GPC6: variants seen among roughly 807,000 people sequenced by gnomAD.
The protein encoded by GPC6 is glypican 6, also known as glypican-6.
In GPC6, 14 loss-of-function variants were observed where a neutral mutation model predicts 55.2. That is an observed-to-expected ratio of 0.25 (90% CI 0.17 to 0.40). GPC6 has a LOEUF of 0.40. GPC6 is among the 10% of genes least tolerant of loss of function. The probability of loss-of-function intolerance (pLI) is 1.00; values close to 1 mark genes in which losing one functional copy is unlikely to be tolerated. For synonymous variants in GPC6, 278 were observed against 259.6 expected (o/e 1.07, Z -0.68); for missense variants, 641 against 708.5 (o/e 0.90, Z 1.08).
At chr13:93,750,773 G>T (rs2138861873) in intron 2 of GPC6, among the ~76,000 whole-genome samples, 1 of 152,312 alleles carries the variant, frequency 6.6e-6, no homozygotes, top group South Asian at 2.1e-4. Flanking sequence ...TAGTTGGTTG[G>T]ATGGGCGTGA....
intron 4 of GPC6, among the ~76,000 whole-genome samples, chr13:94,253,579 T>C (rs1400645153): frequency 2.0e-5 from 3 of 152,116 alleles, no homozygotes; most frequent in East Asian, 1.9e-4. Flanking sequence ...CTTTGTGAGC[T>C]TCCCTGTTCC....
At chr13:93,864,599 C>A (rs9584162) in intron 3 of GPC6, among the ~76,000 whole-genome samples, 2 of 151,720 alleles carry the variant, frequency 1.3e-5, no homozygotes, top group East Asian at 3.9e-4. Flanking sequence ...GTAATAAAAG[C>A]TAATATTTAT....
At chr13:93,954,976 G>C (rs1409852181) in intron 3 of GPC6, among the ~76,000 whole-genome samples, 1 of 151,836 alleles carries the variant, frequency 6.6e-6, no homozygotes, top group Non-Finnish European at 1.5e-5. Flanking sequence ...CTCCATCTTG[G>C]TTGCCTCTTC....
intron 1 of GPC6, among the ~76,000 whole-genome samples, chr13:93,228,737 A>C (rs912073678): frequency 6.6e-6 from 1 of 152,072 alleles, no homozygotes; most frequent in Non-Finnish European, 1.5e-5. Flanking sequence ...GTCCTTAGTG[A>C]CCTCAGATCG....
intron 2 of GPC6, among the ~76,000 whole-genome samples, chr13:93,815,465 A>T (rs180877739): frequency 1.3e-5 from 2 of 152,292 alleles, no homozygotes; most frequent in East Asian, 3.9e-4. Context: ...ACCTGCATAC[A>T]TTCAACCCTG....
At chr13:93,792,370 G>A (rs1306173264) in intron 2 of GPC6, among the ~76,000 whole-genome samples, 1 of 152,230 alleles carries the variant, frequency 6.6e-6, no homozygotes, top group African/African-American at 2.4e-5. Flanking sequence ...GAGTGCAGTG[G>A]CGTGATCTCA....
chr13:93,477,866 C>A (rs1174407488), intron 1 of GPC6, among the ~76,000 whole-genome samples: 1 of 152,050 alleles, frequency 6.6e-6, no homozygotes, highest in Non-Finnish European at 1.5e-5. Flanking sequence ...AGCAGGTGTT[C>A]ATTTTAATAT....
Position 93,951,559 on chromosome 13 carries a change from A to G in GPC6, c.712-76170A>G, listed in dbSNP as rs1294797500. Among the ~76,000 whole-genome samples, 4 of 152,176 alleles carry G rather than the reference A, an allele frequency of 2.6e-5. 1 individual carries two copies. Among genetic ancestry groups the G allele is most frequent in the East Asian group, 3.8e-4 (2 of 5,196 alleles). On this transcript the variant is annotated intron_variant, in intron 3 of 8. Coordinates refer to ENST00000377047, the MANE Select transcript of GPC6 (RefSeq NM_005708.5). ...TTCTGTTTCTATTTTGCTGATAACC[A>G]GTAATGGCTTTGGAGTCAGAGAAGG... is the stretch of plus-strand genomic sequence containing the variant.
intron 4 of GPC6, among the ~76,000 whole-genome samples, chr13:94,137,671 G>C (rs1052441137): frequency 5.3e-5 from 8 of 152,106 alleles, no homozygotes; most frequent in African/African-American, 1.9e-4. Context: ...CCCTGCCATT[G>C]AGCTTACAAT....
At chr13:93,497,633 T>C (rs1287899179) in intron 1 of GPC6, among the ~76,000 whole-genome samples, 10 of 152,186 alleles carry the variant, frequency 6.6e-5, no homozygotes, top group Admixed American at 3.9e-4. Flanking sequence ...GAACACAATG[T>C]TGATATAGTT....
intron 2 of GPC6, among the ~76,000 whole-genome samples, chr13:93,624,693 A>G (rs1245814144): frequency 6.6e-6 from 1 of 152,238 alleles, no homozygotes; most frequent in Non-Finnish European, 1.5e-5. Context: ...CCTGATAACC[A>G]GATGTGTAGA....
intron 3 of GPC6, among the ~76,000 whole-genome samples, chr13:93,979,889 A>C (rs1566632380): frequency 6.6e-6 from 1 of 152,076 alleles, no homozygotes; most frequent in Non-Finnish European, 1.5e-5. Flanking sequence ...GAAAGATACG[A>C]CTCAAAAATA....
At chr13:93,655,003 ATTTTTTTTT>A (rs3884231) in intron 2 of GPC6, among the ~76,000 whole-genome samples, 2 of 104,736 alleles carry the variant, frequency 1.9e-5, no homozygotes, top group South Asian at 6.6e-4. Flanking sequence ...TGCCCGGCTA[ATTTTTTTTT>A]TTTTTTTTTT....
At chr13:93,466,726 G>A (rs770266888) in intron 1 of GPC6, among the ~76,000 whole-genome samples, 1 of 152,158 alleles carries the variant, frequency 6.6e-6, no homozygotes, top group African/African-American at 2.4e-5. Context: ...CATGTGTATG[G>A]AAGAGTCAAT....
intron 1 of GPC6, among the ~76,000 whole-genome samples, chr13:93,524,176 A>T (rs1881558357): frequency 1.3e-5 from 2 of 151,996 alleles, no homozygotes; most frequent in Admixed American, 1.3e-4. Context: ...GGCAAGGAGG[A>T]GCTGAAATAC....
intron 5 of GPC6, among the ~76,000 whole-genome samples, chr13:94,300,641 T>C (rs1875601268): frequency 6.6e-6 from 1 of 152,216 alleles, no homozygotes; most frequent in South Asian, 2.1e-4. Flanking sequence ...GGAGAATTGC[T>C]TTGTACATCT....
intron 2 of GPC6, among the ~76,000 whole-genome samples, chr13:93,720,659 G>T (rs560047964): frequency 3.3e-5 from 5 of 152,070 alleles, no homozygotes; most frequent in African/African-American, 1.2e-4. Flanking sequence ...TGTGATGTTA[G>T]GGTGTCAATT....
chr13:93,742,299 T>C (rs1884234111), intron 2 of GPC6, among the ~76,000 whole-genome samples: 3 of 152,224 alleles, frequency 2.0e-5, no homozygotes, highest in Admixed American at 2.0e-4. Context: ...CATTTGATGC[T>C]GGCCTTACTT....
chr13:94,272,711 GC>G (rs1166293259), intron 4 of GPC6, among the ~76,000 whole-genome samples: 1 of 151,744 alleles, frequency 6.6e-6, no homozygotes, highest in Non-Finnish European at 1.5e-5. Context: ...CTCATAATCC[GC>G]CCACCTTGGC....
Sources: gnomAD v4.1 joint callset for allele counts (sites outside exome capture counted in the v4.1 genomes callset) on GRCh38, gnomAD v4.1.1 for gene constraint, MANE v1.5 for transcripts, NCBI Gene and HGNC (gene_info 2026-07-23, HGNC 2026-07-21) for gene names.